Variants in PACS1 observed in about 807,000 individuals in gnomAD.
PACS1 encodes the protein phosphofurin acidic cluster sorting protein 1.
Under a neutral mutation model 115.0 loss-of-function variants are expected in PACS1, and 24 were observed. The ratio of observed to expected loss-of-function variants is 0.21; its 90% CI spans 0.15 to 0.29. The LOEUF (loss-of-function observed/expected upper bound fraction) is 0.29. Ranked by LOEUF, PACS1 falls within the 10% of genes least tolerant of loss-of-function variation. PACS1 has a pLI of 1.00. For missense variants in PACS1, 838 were observed against 1,251.2 expected, an observed-to-expected ratio of 0.67 and a Z score of 4.98; for synonymous variants, 453 against 504.5, an observed-to-expected ratio of 0.90 and a Z score of 1.37.
intron 1 of PACS1, among the ~76,000 whole-genome samples, chr11:66,156,558 T>A (rs918837536): frequency 2.6e-5 from 4 of 151,704 alleles, no homozygotes; most frequent in Non-Finnish European, 4.4e-5. Context: ...AGTTGTTTTT[T>A]AAAAAAATCT....
rs184206287 is a variant in PACS1 at position 66,081,755 on chromosome 11, C to T, written c.356+10913C>T. 7.6e-4 allele frequency among the ~76,000 whole-genome samples: 116 copies of T among 152,282 alleles called. No homozygotes were observed. The Middle Eastern group carries it at 0.01, about 13-fold the overall frequency. Reference sequence around the variant, plus strand: ...TGTTTTACCTGCTGACTTCTTTAGCCCTGGTTTGGCAGCAGAAGAGCAACT... The same window carrying T: ...TGTTTTACCTGCTGACTTCTTTAGCTCTGGTTTGGCAGCAGAAGAGCAACT... On this transcript the variant is annotated intron_variant, in intron 1 of 23. Coordinates refer to ENST00000320580, the MANE Select transcript of PACS1 (RefSeq NM_018026.4).
chr11:66,243,182 G>C lies in PACS1; in HGVS notation c.2794G>C (p.Glu932Gln), dbSNP rs769935627. 1 of 1,613,498 alleles carries C rather than the reference G, an allele frequency of 6.2e-7. No homozygotes were observed. The highest frequency in any genetic ancestry group is 8.5e-7 in the Non-Finnish European group (1 of 1,179,682). ...TMLRVSIDGV[E>Q]WSDIKFFQLA... ...ACCCCTAGTGTCCATCGATGGGGTCGAGTGGAGTGACATCAAGTTCTTCCA... is the reference window on the plus strand; with the variant it reads ...ACCCCTAGTGTCCATCGATGGGGTCCAGTGGAGTGACATCAAGTTCTTCCA... Residue 932 changes from glutamate to glutamine, a missense_variant, in exon 24 of 24, where the codon GAG becomes CAG. Physicochemically the swap from Glu to Gln is conservative, Grantham distance 29 (BLOSUM62 2). This residue lies in a region of PACS1 where 84 missense variants were observed against 187.1 expected (regional missense o/e 0.45). Transcript: ENST00000320580.
chr11:66,240,173 C>T (rs1300873221), intron 21 of PACS1, among the ~76,000 whole-genome samples: 2 of 152,236 alleles, frequency 1.3e-5, no homozygotes, highest in Non-Finnish European at 1.5e-5. Flanking sequence ...CTGGAGCCGG[C>T]GCGGGAGCAA....
chr11:66,085,465 A>G (rs1219645188), intron 1 of PACS1, among the ~76,000 whole-genome samples: 1 of 152,230 alleles, frequency 6.6e-6, no homozygotes, highest in Non-Finnish European at 1.5e-5. Context: ...CATTATATCT[A>G]GATCAAATTT....
rs1295122104 is a variant in PACS1 at position 66,075,189 on chromosome 11, C to T, written c.356+4347C>T. On this transcript the variant is annotated intron_variant, in intron 1 of 23. Coordinates refer to ENST00000320580, the MANE Select transcript of PACS1 (RefSeq NM_018026.4). ...CGATCTCCTGAGCTTGTGATCTGCC[C>T]GCCTTGGCCTTCCAAAGTGCTGGGA... is the stretch of plus-strand genomic sequence containing the variant. 3.3e-5 allele frequency among the ~76,000 whole-genome samples: 5 copies of T among 152,130 alleles called. No individual in the cohort carries two copies. The East Asian group carries it at 7.7e-4, about 24-fold the overall frequency.
chr11:66,123,501 A>G (rs1206393841), intron 1 of PACS1, among the ~76,000 whole-genome samples: 3 of 151,392 alleles, frequency 2.0e-5, no homozygotes, highest in Non-Finnish European at 4.4e-5. Flanking sequence ...TCAATAAGCC[A>G]TTTTTATTTT....
At position 66,171,485 on chromosome 11, in the gene PACS1, G is replaced by A. The variant is rs560551477; in HGVS notation, c.357-22001G>A. 4.7e-5 allele frequency among the ~76,000 whole-genome samples: 7 copies of A among 149,234 alleles called. No individual in the cohort carries two copies. The South Asian group carries it at 1.5e-3, about 31-fold the overall frequency. On this transcript the variant is annotated intron_variant, in intron 1 of 23. Transcript: ENST00000320580. Reference sequence around the variant, plus strand: ...TATGCTTTCTATTTGTTCTTTTTTTGGGGGGGCGGTGTCTCTATTTCTGGA... The same window carrying A: ...TATGCTTTCTATTTGTTCTTTTTTTAGGGGGGCGGTGTCTCTATTTCTGGA...
chr11:66,154,385 G>A, intron 1 of PACS1, among the ~76,000 whole-genome samples: 1 of 152,152 alleles, frequency 6.6e-6, no homozygotes, highest in Non-Finnish European at 1.5e-5. Flanking sequence ...GCTGCAGTGA[G>A]CTATGATAGC....
rs536477788 is a variant in PACS1 at position 66,233,549 on chromosome 11, C to T, written c.1839-236C>T. Among the ~76,000 whole-genome samples the T allele has an allele frequency of 1.3e-5, 2 of 152,356 alleles. No individual in the cohort carries two copies. Among genetic ancestry groups the T allele is most frequent in the African/African-American group, 4.8e-5 (2 of 41,588 alleles). On this transcript the variant is annotated intron_variant, in intron 15 of 23. Transcript: ENST00000320580. The surrounding 1 kb of genome is among the most constrained non-coding windows in gnomAD (Gnocchi z 4.5). Reference sequence around the variant, plus strand: ...ATCCCAGGCACACTGCCGAGTCCTACGTTAGCCTCAGCTGTTCCGTCTGCT... The same window carrying T: ...ATCCCAGGCACACTGCCGAGTCCTATGTTAGCCTCAGCTGTTCCGTCTGCT...
intron 10 of PACS1, among the ~76,000 whole-genome samples, chr11:66,222,382 A>G (rs1256340628): frequency 6.6e-6 from 1 of 152,106 alleles, no homozygotes; most frequent in Non-Finnish European, 1.5e-5. Context: ...AAAAGGGGGC[A>G]TGTACTGTAG....
intron 1 of PACS1, among the ~76,000 whole-genome samples, chr11:66,141,341 G>GA (rs776854888): frequency 5.3e-5 from 8 of 152,064 alleles, no homozygotes; most frequent in Non-Finnish European, 8.8e-5. Context: ...GCCCAGGCTA[G>GA]AGTGCAGTGG....
intron 1 of PACS1, among the ~76,000 whole-genome samples, chr11:66,076,959 C>G (rs1433175314): frequency 6.6e-6 from 1 of 152,182 alleles, no homozygotes; most frequent in East Asian, 1.9e-4. Flanking sequence ...GGTGGGCAGT[C>G]TCTTAGGTTG....
intron 1 of PACS1, among the ~76,000 whole-genome samples, chr11:66,087,404 G>A (rs752903658): frequency 1.3e-5 from 2 of 152,180 alleles, no homozygotes; most frequent in East Asian, 1.9e-4. Flanking sequence ...ACCATGCCCC[G>A]CTAATTTTTT....
At chr11:66,214,150 C>T (rs577156758) in intron 4 of PACS1, among the ~76,000 whole-genome samples, 22 of 151,938 alleles carry the variant, frequency 1.4e-4, no homozygotes, top group Admixed American at 7.2e-4. Flanking sequence ...AGAAAGCAGC[C>T]GCTAATCTGT....
chr11:66,176,538 C>T (rs938584725), intron 1 of PACS1, among the ~76,000 whole-genome samples: 7 of 151,900 alleles, frequency 4.6e-5, no homozygotes, highest in Admixed American at 1.3e-4. Flanking sequence ...CTCAGCCTCC[C>T]GAATAGCTGG....
At position 66,242,619 on chromosome 11, in the gene PACS1, A is replaced by T. The variant is rs755935678; in HGVS notation, c.2657-293A>T. On this transcript the variant is annotated intron_variant, in intron 22 of 23. Transcript: ENST00000320580. ...GGCCCCTGCCCCACAGGCTGCCTAG[A>T]ACGTTCCAGCTGGAAAGGACTTCAG... is the stretch of plus-strand genomic sequence containing the variant. 5.9e-5 allele frequency among the ~76,000 whole-genome samples: 9 copies of T among 152,222 alleles called. No individual in the cohort carries two copies. In the South Asian group the frequency reaches 1.9e-3, roughly 32 times the overall value.
At chr11:66,171,578 T>C (rs1434697935) in intron 1 of PACS1, among the ~76,000 whole-genome samples, 1 of 149,734 alleles carries the variant, frequency 6.7e-6, no homozygotes, top group Non-Finnish European at 1.5e-5. Context: ...CATTTTTCTT[T>C]TCTTTTCTTT....
At chr11:66,209,776 G>A (rs1296095651) in intron 2 of PACS1, among the ~76,000 whole-genome samples, 1 of 151,896 alleles carries the variant, frequency 6.6e-6, no homozygotes, top group Non-Finnish European at 1.5e-5. Context: ...ATTGTGGCAG[G>A]TGCCTGTAGT....
intron 1 of PACS1, among the ~76,000 whole-genome samples, chr11:66,078,206 A>G (rs1857426890): frequency 6.6e-6 from 1 of 152,204 alleles, no homozygotes; most frequent in Non-Finnish European, 1.5e-5. Context: ...TGGTATCCAC[A>G]GGTCATTTTG....
Sources: gnomAD v4.1 joint callset for allele counts (sites outside exome capture counted in the v4.1 genomes callset) on GRCh38, gnomAD v4.1.1 for gene constraint, gnomAD v4.1.1 regional missense constraint, Gnocchi (gnomAD v3.1) non-coding constraint, MANE v1.5 for transcripts, NCBI Gene and HGNC (gene_info 2026-07-23, HGNC 2026-07-21) for gene names.